The following PTK6 variants were observed in gnomAD, a reference collection of about 807,000 sequenced individuals.
The protein encoded by PTK6 is protein-tyrosine kinase 6.
PTK6 carries 47 observed loss-of-function variants against 47.5 expected under a neutral mutation model. The ratio of observed to expected loss-of-function variants is 0.99; its 90% CI spans 0.78 to 1.26. The LOEUF is 1.26. Among genes scored for constraint, PTK6 ranks in the 50% most tolerant of loss-of-function variants. The pLI, the probability that PTK6 is intolerant of heterozygous loss-of-function variation, is 0.00. For synonymous variants in PTK6, 287 were observed against 276.5 expected (o/e 1.04, Z -0.38); for missense variants, 618 against 625.3 (o/e 0.99, Z 0.12).
Position 63,532,604 on chromosome 20 carries a change from C to T in PTK6, c.754G>A (p.Ala252Thr), listed in dbSNP as rs756868800. 5 of 1,613,984 alleles carry T rather than the reference C, an allele frequency of 3.1e-6. No homozygotes were observed. The Admixed American group carries it at 5.0e-5, about 16-fold the overall frequency. ...LRHKHILALYAVVSVGDPVYI... is the reference protein window; with the variant it reads ...LRHKHILALYTVVSVGDPVYI... The stretch of plus-strand genomic sequence containing the variant: ...ACGGGGTCCCCCACGGACACCACGG[C>T]GTACAGCGCCAGGATGTGTTTGTGC... Residue 252 changes from alanine (A) to threonine (T), a missense_variant, in exon 5 of 8, where the codon GCC (alanine) becomes ACC (threonine). Ala to Thr is a moderately conservative substitution (Grantham distance 58, BLOSUM62 0). Transcript: ENST00000542869.
rs562061810 is a variant in PTK6, at chr20:63,532,763, C to A, written c.671-76G>T. The A allele has an allele frequency of 9.1e-6, 14 of 1,536,330 alleles. 1 individual carries two copies. In the Admixed American group the frequency reaches 2.4e-4, roughly 26 times the overall value. ...CAAGGAAGAGGCCAAGGCCCTGCCC[C>A]CACACACAGCAGCCATCACACCCAG... On this transcript the variant is annotated intron_variant, in intron 4 of 7. Coordinates refer to ENST00000542869, the MANE Select transcript of PTK6 (RefSeq NM_005975.4).
rs977292937 is a variant in PTK6 at position 63,528,223 on chromosome 20, C to A, written c.*1313G>T. 6.6e-6 allele frequency: 1 copy of A among 152,106 alleles called. No individual in the cohort carries two copies. Among genetic ancestry groups the A allele is most frequent in the Non-Finnish European group, 1.5e-5 (1 of 68,022 alleles). The allele number at this position is 152,106 out of a possible 1,614,324, so 9.4% of individuals were successfully genotyped here. The stretch of plus-strand genomic sequence containing the variant: ...CTGCAACATTCATATCAAAACCAAA[C>A]CCGTAAATAGAACCTCCAGAAGACT... On this transcript the variant is annotated 3_prime_UTR_variant, in exon 8 of 8. Coordinates refer to ENST00000542869, the MANE Select transcript of PTK6 (RefSeq NM_005975.4).
In PTK6 at chr20:63,530,611, C is replaced by T. The variant is rs2082610570; in HGVS notation, c.1014+135G>A. 1.7e-6 allele frequency: 2 copies of T among 1,169,442 alleles called. No individual in the cohort carries two copies. Among genetic ancestry groups the T allele is most frequent in the Admixed American group, 2.9e-5 (1 of 34,878 alleles). The allele number at this position is 1,169,442 out of a possible 1,614,324, so 72.4% of individuals were successfully genotyped here. A position where few individuals can be genotyped will look rare whatever the true frequency, so the allele number is the denominator to read the frequency against. The stretch of plus-strand genomic sequence containing the variant: ...GGACTCACGGTGGCTTCCCACCTCC[C>T]TGCCCAGCCTGGGCTCCCGAGGGCA... On this transcript the variant is annotated intron_variant, in intron 6 of 7. Transcript: ENST00000542869. This position sits in a 1 kb window ranked among gnomAD's most constrained non-coding sequence, Gnocchi z 4.1.
At position 63,530,922 on chromosome 20, in the gene PTK6, C is replaced by T. The variant is rs376539060; in HGVS notation, c.838G>A (p.Asp280Asn). 6.2e-7 allele frequency: 1 copy of T among 1,606,900 alleles called. No homozygotes were observed. The highest frequency in any genetic ancestry group is 1.3e-5 in the African/African-American group (1 of 74,682). ...GSLLELLRDS[D>N]EKVLPVSELL... is the part of the protein sequence containing the mutation. ...TCCGAAACGGGCAGGACTTTCTCAT[C>T]AGAGTCTGCAGAGGGGAGTGGAGCA... The change falls in exon 6 of 8, where the codon GAT (aspartate) becomes AAT (asparagine). Residue 280 changes from aspartate to asparagine, a missense_variant. Physicochemically the swap from Asp to Asn is conservative, Grantham distance 23. Coordinates refer to ENST00000542869, the MANE Select transcript of PTK6 (RefSeq NM_005975.4). This position sits in a 1 kb window ranked among gnomAD's most constrained non-coding sequence, Gnocchi z 4.1.
chr20:63,535,196 C>G, intron 1 of PTK6, 137 bp from the exon 2 acceptor site: 1 of 1,271,188 alleles, frequency 7.9e-7, no homozygotes, highest in Non-Finnish European at 1.0e-6. Flanking sequence ...CACAGCTGCT[C>G]TCAGGAGCTG....
chr20:63,529,584 G>T lies in PTK6; in HGVS notation c.1308C>A (p.Ala436=). 1 of 1,574,860 alleles carries T rather than the reference G, an allele frequency of 6.3e-7. No individual in the cohort carries two copies. The highest frequency in any genetic ancestry group is 1.8e-5 in the Admixed American group (1 of 54,580). The part of the protein sequence containing the change: ...RDPEQRPCFK[A]LRERLSSFTS... Reference sequence around the variant, plus strand: ...TGAAGCTGGAGAGCCTCTCCCGCAGGGCCTTGAAGCAGGGTCTCTGCTCGG... The same window carrying T: ...TGAAGCTGGAGAGCCTCTCCCGCAGTGCCTTGAAGCAGGGTCTCTGCTCGG... The change falls in exon 8 of 8, where the codon GCC becomes GCA. Residue 436 remains alanine (A), a synonymous_variant. Transcript: ENST00000542869. This position sits in a 1 kb window ranked among gnomAD's most constrained non-coding sequence, Gnocchi z 5.6.
intron 2 of PTK6, 47 bp downstream of exon 2, chr20:63,534,891 C>T: frequency 1.9e-6 from 3 of 1,555,026 alleles, no homozygotes; most frequent in African/African-American, 2.7e-5. Context: ...GGGCTTAGAG[C>T]CAGGAGCCCC....
chr20:63,534,745 C>A, intron 2 of PTK6, 193 bp downstream of exon 2: 6 of 888,492 alleles, frequency 6.8e-6, no homozygotes, highest in Non-Finnish European at 9.6e-6. Context: ...CCCTGCCCCA[C>A]GACTACCCTA....
Position 63,530,900 on chromosome 20 carries a change from G to A in PTK6, c.860C>T (p.Ser287Leu), listed in dbSNP as rs1378550327. ...CTGCCAGGCGATGTCCAGCAGCTCC[G>A]AAACGGGCAGGACTTTCTCATCAGA... ...RDSDEKVLPV[S>L]ELLDIAWQVA... Residue 287 changes from serine (S) to leucine (L), a missense_variant, in exon 6 of 8, where the codon TCG (serine) becomes TTG (leucine). Transcript: ENST00000542869. The surrounding 1 kb of genome is among the most constrained non-coding windows in gnomAD (Gnocchi z 4.1). 1.3e-5 allele frequency: 21 copies of A among 1,612,676 alleles called. No individual in the cohort carries two copies. The highest frequency in any genetic ancestry group is 1.6e-5 in the Non-Finnish European group (19 of 1,179,498).
chr20:63,536,476 T>C (rs1388784697), intron 1 of PTK6, among the ~76,000 whole-genome samples: 1 of 150,636 alleles, frequency 6.6e-6, no homozygotes. Context: ...ACACAGTGGG[T>C]GCCCAATCAC....
intron 5 of PTK6, among the ~76,000 whole-genome samples, chr20:63,531,578 G>A (rs2082621862): frequency 6.7e-6 from 1 of 148,864 alleles, no homozygotes; most frequent in Admixed American, 6.6e-5. Flanking sequence ...CTGCGCCATT[G>A]CACTCCAGCC....
chr20:63,530,234 G>T lies in PTK6; in HGVS notation c.1015-3C>A, dbSNP rs752409069. The T allele has an allele frequency of 1.2e-6, 2 of 1,613,742 alleles. No individual in the cohort carries two copies. Among genetic ancestry groups the T allele is most frequent in the Non-Finnish European group, 1.7e-6 (2 of 1,179,858 alleles). On this transcript the variant is annotated splice_region_variant and splice_polypyrimidine_tract_variant and intron_variant, in intron 6 of 7. Transcript: ENST00000542869. The surrounding 1 kb of genome is among the most constrained non-coding windows in gnomAD (Gnocchi z 4.1). ...TCATGGGAGAGGTAGACGTCCTCCT[G>T]CAATCAGCCTGGAGCTGAGTGGGCC...
At position 63,533,594 on chromosome 20, in the gene PTK6, G is replaced by C. The variant is rs765900202; in HGVS notation, c.627C>G (p.Leu209=). Residue 209 remains leucine (L), a synonymous_variant, in exon 4 of 8, where the codon CTC becomes CTG. Transcript: ENST00000542869. The surrounding 1 kb of genome is among the most constrained non-coding windows in gnomAD (Gnocchi z 4.0). The part of the protein sequence containing the change: ...SGYFGEVFEG[L]WKDRVQVAIK... ...TGGCCACCTGGACCCGGTCTTTCCA[G>C]AGCCCCTCGAAGACCTCCCCAAAGT... 1 of 1,613,574 alleles carries C rather than the reference G, an allele frequency of 6.2e-7. No homozygotes were observed. Among genetic ancestry groups the C allele is most frequent in the Admixed American group, 1.7e-5 (1 of 59,944 alleles).
rs760125592 is a variant in PTK6 at position 63,537,148 on chromosome 20, G to A, written c.167C>T (p.Ala56Val). ...WATLLDEAGG[A>V]VAQGYVPHNY... ...GTGGGGCACATAGCCCTGGGCCACGGCCCCACCCGCCTCGTCCAGCAGCGT... is the reference window on the plus strand; with the variant it reads ...GTGGGGCACATAGCCCTGGGCCACGACCCCACCCGCCTCGTCCAGCAGCGT... The change falls in exon 1 of 8, where the codon GCC (alanine) becomes GTC (valine). Residue 56 changes from alanine (A) to valine (V), a missense_variant. Physicochemically the swap from Ala to Val is moderately conservative, Grantham distance 64. Coordinates refer to ENST00000542869, the MANE Select transcript of PTK6 (RefSeq NM_005975.4). 2.5e-6 allele frequency: 4 copies of A among 1,608,838 alleles called. No homozygotes were observed. Among genetic ancestry groups the A allele is most frequent in the Non-Finnish European group, 3.4e-6 (4 of 1,178,620 alleles).
Position 63,528,198 on chromosome 20 carries a change from C to T in PTK6, c.*1338G>A, listed in dbSNP as rs573242323. On this transcript the variant is annotated 3_prime_UTR_variant, in exon 8 of 8. Coordinates refer to ENST00000542869, the MANE Select transcript of PTK6 (RefSeq NM_005975.4). ...GATTTCTAGGAATTTTATAGAGTTT[C>T]TGCAACATTCATATCAAAACCAAAC... is the stretch of plus-strand genomic sequence containing the variant. The T allele has an allele frequency of 1.3e-5, 2 of 152,268 alleles. No homozygotes were observed. The highest frequency in any genetic ancestry group is 3.9e-4 in the East Asian group (2 of 5,182). The allele number at this position is 152,268 out of a possible 1,614,324, so 9.4% of individuals were successfully genotyped here.
In PTK6 at chr20:63,537,033, T is replaced by C. The variant is rs1424530856; in HGVS notation, c.230+52A>G. ...GCAGCCCAGAGCCCTGTCCCTCCCC[T>C]GTGCCTAGAGGGTGGCCTGTGCCAA... On this transcript the variant is annotated intron_variant, in intron 1 of 7. Transcript: ENST00000542869. The C allele has an allele frequency of 2.0e-6, 3 of 1,530,556 alleles. No homozygotes were observed. The East Asian group carries it at 7.3e-5, about 37-fold the overall frequency. 94.8% of individuals were successfully genotyped at this position (1,530,556 alleles called of 1,614,324 possible).
chr20:63,536,579 T>C (rs1344923604), intron 1 of PTK6, among the ~76,000 whole-genome samples: 1 of 151,906 alleles, frequency 6.6e-6, no homozygotes, highest in Non-Finnish European at 1.5e-5. Context: ...CCAGCTGCTG[T>C]CTGGTTCCCC....
rs961523107 is a variant in PTK6 at position 63,533,257 on chromosome 20, G to A, written c.670+294C>T. 3.3e-5 allele frequency among the ~76,000 whole-genome samples: 5 copies of A among 152,196 alleles called. No homozygotes were observed. In the East Asian group the frequency reaches 7.7e-4, roughly 24 times the overall value. ...TAATTTTTGTATTTTTAGTAGAGAC[G>A]TGGTTTCCCCATGTTGGCCAGGCTG... On this transcript the variant is annotated intron_variant, in intron 4 of 7. Coordinates refer to ENST00000542869, the MANE Select transcript of PTK6 (RefSeq NM_005975.4). The surrounding 1 kb of genome is among the most constrained non-coding windows in gnomAD (Gnocchi z 4.0).
Position 63,534,948 on chromosome 20 carries a change from G to A in PTK6, c.342C>T (p.Tyr114=), listed in dbSNP as rs776639683. The A allele has an allele frequency of 1.5e-5, 24 of 1,603,036 alleles. No homozygotes were observed. Among genetic ancestry groups the A allele is most frequent in the African/African-American group, 6.7e-5 (5 of 74,764 alleles). The change falls in exon 2 of 8, where the codon TAC becomes TAT. Residue 114 remains tyrosine (Y), a synonymous_variant. Transcript: ENST00000542869. The part of the protein sequence containing the change: ...IRVSEKPSAD[Y]VLSVRDTQAV... ...AGGCCGGGGCCGCACCCGACAGGAC[G>A]TAGTCGGCACTCGGCTTCTCGCTGA... is the stretch of plus-strand genomic sequence containing the variant.
Sources: gnomAD v4.1 joint callset for allele counts (sites outside exome capture counted in the v4.1 genomes callset) on GRCh38, gnomAD v4.1.1 for gene constraint, Gnocchi (gnomAD v3.1) non-coding constraint, MANE v1.5 for transcripts, NCBI Gene and HGNC (gene_info 2026-07-23, HGNC 2026-07-21) for gene names.